Variants in GRM7 observed in about 807,000 individuals in gnomAD.
GRM7 encodes the protein metabotropic glutamate receptor 7.
GRM7 carries 35 observed loss-of-function variants against 84.5 expected under a neutral mutation model. The observed-to-expected ratio is 0.41, with a 90% CI of 0.32 to 0.55. The LOEUF (loss-of-function observed/expected upper bound fraction) is 0.55. Ranked by LOEUF, GRM7 falls within the 20% of genes least tolerant of loss-of-function variation. The pLI is 0.19. For missense variants in GRM7, 1,003 were observed against 1,194.6 expected (o/e 0.84, Z 2.36); for synonymous variants, 487 against 455.1 (o/e 1.07, Z -0.89).
In GRM7 at chr3:7,644,212, ACATATATATGTGTG is replaced by A. The variant is rs1203986946; in HGVS notation, c.2452-35836_2452-35823del. 4.9e-4 allele frequency among the ~76,000 whole-genome samples: 70 copies of A among 141,692 alleles called. 2 individuals carry two copies. Among genetic ancestry groups the A allele is most frequent in the Middle Eastern group, 3.6e-3 (1 of 278 alleles). 93.0% of individuals were successfully genotyped at this position (141,692 alleles called of 152,430 possible). On this transcript the variant is annotated intron_variant, in intron 8 of 9. Coordinates refer to ENST00000357716, the MANE Select transcript of GRM7 (RefSeq NM_000844.4). The stretch of plus-strand genomic sequence containing the variant: ...TCTGTACGTATATATATATGTCTGT[ACATATATATGTGTG>A]TGTCTGTACATATATATGTGTGTGT...
rs576959395 is a variant in GRM7 at position 6,863,032 on chromosome 3, T to G, written c.519+1125T>G. ...AATGAGTGGCTTTGGGGTTTGGAAA[T>G]TGAGTTTCAGGGTCTCTGTGATTGT... On this transcript the variant is annotated intron_variant, in intron 1 of 9. Coordinates refer to ENST00000357716, the MANE Select transcript of GRM7 (RefSeq NM_000844.4). The surrounding 1 kb of genome is among the most constrained non-coding windows in gnomAD (Gnocchi z 4.8). The G allele has an allele frequency of 5.7e-5, 26 of 455,812 alleles. No individual in the cohort carries two copies. Among genetic ancestry groups the G allele is most frequent in the South Asian group, 4.0e-4 (26 of 64,420 alleles). 28.2% of individuals were successfully genotyped at this position (455,812 alleles called of 1,614,324 possible). A position where few individuals can be genotyped will look rare whatever the true frequency, so the allele number is the denominator to read the frequency against.
At chr3:7,517,569 T>G (rs2124985860) in intron 7 of GRM7, among the ~76,000 whole-genome samples, 1 of 152,190 alleles carries the variant, frequency 6.6e-6, no homozygotes, top group South Asian at 2.1e-4. Context: ...ATTTTTGTAT[T>G]TTTTTGTAGA....
chr3:7,731,093 T>C (rs1176619164), intron 9 of GRM7, among the ~76,000 whole-genome samples: 2 of 151,838 alleles, frequency 1.3e-5, no homozygotes, highest in African/African-American at 4.8e-5. Context: ...TGTTTTTTTT[T>C]TTAAGAGACA....
chr3:6,951,080 A>G (rs1692737089), intron 1 of GRM7, among the ~76,000 whole-genome samples: 1 of 152,148 alleles, frequency 6.6e-6, no homozygotes, highest in Admixed American at 6.5e-5. Flanking sequence ...CCCCAGTGAG[A>G]TGAACCCAGT....
intron 7 of GRM7, among the ~76,000 whole-genome samples, chr3:7,522,307 T>C (rs1700626881): frequency 1.5e-5 from 1 of 65,204 alleles, no homozygotes; most frequent in Admixed American, 2.1e-4. Context: ...AAGACTACAG[T>C]TTGAACAAAC....
chr3:7,550,563 CTCTCTCTCTCTCTCTGTG>C (rs1693407479), intron 7 of GRM7, among the ~76,000 whole-genome samples: 3 of 95,008 alleles, frequency 3.2e-5, no homozygotes, highest in Non-Finnish European at 7.2e-5. Context: ...CTCTCTCTCT[CTCTCTCTCTCTCTCTGTG>C]TGTGTGTGTG....
chr3:7,408,881 T>C lies in GRM7; in HGVS notation c.1034-6142T>C, dbSNP rs73810621. Among the ~76,000 whole-genome samples, 1,150 of 152,320 alleles carry C rather than the reference T, an allele frequency of 7.5e-3. 6 individuals carry two copies. Among genetic ancestry groups the C allele is most frequent in the South Asian group, 0.023 (111 of 4,828 alleles). The stretch of plus-strand genomic sequence containing the variant: ...CTCATATTTCTTGTGGGATTATATG[T>C]TAAATTCCTAACTAAGATTCAACTT... On this transcript the variant is annotated intron_variant, in intron 4 of 9. Coordinates refer to ENST00000357716, the MANE Select transcript of GRM7 (RefSeq NM_000844.4).
At chr3:7,362,919 G>C (rs1271961323) in intron 4 of GRM7, among the ~76,000 whole-genome samples, 2 of 151,966 alleles carry the variant, frequency 1.3e-5, no homozygotes, top group African/African-American at 4.8e-5. Flanking sequence ...CTTGAAGCCA[G>C]AGTCTGGGCA....
At chr3:7,020,462 G>A (rs541891995) in intron 1 of GRM7, among the ~76,000 whole-genome samples, 1 of 152,324 alleles carries the variant, frequency 6.6e-6, no homozygotes, top group South Asian at 2.1e-4. Context: ...GCTATTTAGA[G>A]CAGTGTTTCT....
At chr3:7,555,210 A>G (rs79189155) in intron 7 of GRM7, among the ~76,000 whole-genome samples, 1,811 of 152,318 alleles carry the variant, frequency 0.012, 30 homozygotes, top group African/African-American at 0.042. Flanking sequence ...GGTTCACTCT[A>G]AGTGTACCAT....
chr3:6,971,812 A>G (rs1693768570), intron 1 of GRM7, among the ~76,000 whole-genome samples: 1 of 152,212 alleles, frequency 6.6e-6, no homozygotes, highest in South Asian at 2.1e-4. Context: ...CACATTGAAT[A>G]AAATAAAAGA....
chr3:7,649,132 C>T (rs771547644), intron 8 of GRM7, among the ~76,000 whole-genome samples: 5 of 151,414 alleles, frequency 3.3e-5, no homozygotes, highest in Middle Eastern at 3.2e-3. Flanking sequence ...TGCAGTGGTG[C>T]GATCTCGGCT....
rs750900611 is a variant in GRM7 at position 7,146,483 on chromosome 3, C to T, written c.551C>T (p.Pro184Leu). Residue 184 changes from proline (P) to leucine (L), a missense_variant, in exon 2 of 10, where the codon CCC (proline) becomes CTC (leucine). This residue lies in a region of GRM7 where 910 missense variants were observed against 1,126.0 expected (regional missense o/e 0.81). Coordinates refer to ENST00000357716, the MANE Select transcript of GRM7 (RefSeq NM_000844.4). Reference sequence around the variant, plus strand: ...CAGATTAGTTATGCATCAACGGCACCCGAGCTAAGTGATGACCGGCGCTAT... The same window carrying T: ...CAGATTAGTTATGCATCAACGGCACTCGAGCTAAGTGATGACCGGCGCTAT... Reference protein sequence around the residue: ...IPQISYASTAPELSDDRRYDF... With the variant: ...IPQISYASTALELSDDRRYDF... 1 of 1,613,638 alleles carries T rather than the reference C, an allele frequency of 6.2e-7. No individual in the cohort carries two copies. The highest frequency in any genetic ancestry group is 8.5e-7 in the Non-Finnish European group (1 of 1,179,878).
chr3:7,124,599 A>T (rs937275987), intron 1 of GRM7, among the ~76,000 whole-genome samples: 2 of 152,192 alleles, frequency 1.3e-5, no homozygotes, highest in African/African-American at 4.8e-5. Flanking sequence ...TAAAAGATTC[A>T]TTATTTTGCC....
intron 1 of GRM7, among the ~76,000 whole-genome samples, chr3:6,867,253 C>A (rs1694966478): frequency 6.6e-6 from 1 of 152,180 alleles, no homozygotes; most frequent in Non-Finnish European, 1.5e-5. Flanking sequence ...GGCATTCATT[C>A]AGTGAAAAAT....
intron 8 of GRM7, among the ~76,000 whole-genome samples, chr3:7,652,456 G>A (rs1698988262): frequency 6.6e-6 from 1 of 152,210 alleles, no homozygotes; most frequent in African/African-American, 2.4e-5. Flanking sequence ...GGTAGAAGAT[G>A]TGTGTTTGCT....
chr3:7,545,271 T>G (rs1188781962), intron 7 of GRM7, among the ~76,000 whole-genome samples: 1 of 152,238 alleles, frequency 6.6e-6, no homozygotes, highest in East Asian at 1.9e-4. Flanking sequence ...ACACACTGAG[T>G]GCACAGGCCA....
At chr3:7,359,417 C>G (rs1310285291) in intron 4 of GRM7, among the ~76,000 whole-genome samples, 3 of 142,288 alleles carry the variant, frequency 2.1e-5, no homozygotes, top group Admixed American at 7.0e-5. Flanking sequence ...TCACTGCAAC[C>G]TCCGTCTTCT....
At chr3:6,869,045 T>C (rs558266873) in intron 1 of GRM7, among the ~76,000 whole-genome samples, 2 of 152,320 alleles carry the variant, frequency 1.3e-5, no homozygotes, top group African/African-American at 4.8e-5. Flanking sequence ...TAAAGGGCTC[T>C]TTAAACATTT....
Sources: allele counts gnomAD v4.1 joint callset (sites outside exome capture counted in the v4.1 genomes callset), GRCh38; gene constraint gnomAD v4.1.1; regional missense constraint gnomAD v4.1.1; non-coding constraint Gnocchi (gnomAD v3.1); transcripts MANE v1.5; gene names NCBI Gene and HGNC (gene_info 2026-07-23, HGNC 2026-07-21).